Variants in MEI4 observed in about 807,000 individuals in gnomAD.
MEI4 encodes the protein meiosis-specific protein MEI4.
MEI4 carries 27 observed loss-of-function variants against 31.4 expected under a neutral mutation model. The ratio of observed to expected loss-of-function variants is 0.86; its 90% CI spans 0.63 to 1.19. The LOEUF (loss-of-function observed/expected upper bound fraction) is 1.19, where lower values mean the gene tolerates loss of function less well. Ranked by LOEUF, MEI4 falls within the 50% of genes most tolerant of loss-of-function variation. MEI4 has a pLI of 0.00. For synonymous variants in MEI4, 122 were observed against 145.4 expected, an observed-to-expected ratio of 0.84 and a Z score of 1.16; for missense variants, 329 against 398.9, an observed-to-expected ratio of 0.82 and a Z score of 1.49.
chr6:77,796,521 C>T (rs534875269), intron 3 of MEI4, among the ~76,000 whole-genome samples: 3 of 152,210 alleles, frequency 2.0e-5, no homozygotes, highest in African/African-American at 7.2e-5. Flanking sequence ...AAGTTGCAGA[C>T]TGCAAAATAA....
intron 3 of MEI4, among the ~76,000 whole-genome samples, chr6:77,765,348 GAAGT>G (rs1323154763): frequency 6.6e-6 from 1 of 151,826 alleles, no homozygotes; most frequent in Non-Finnish European, 1.5e-5. Flanking sequence ...ATAATGAGAA[GAAGT>G]GACAACTTAT....
At chr6:77,734,517 G>A (rs1767120486) in intron 2 of MEI4, among the ~76,000 whole-genome samples, 1 of 151,460 alleles carries the variant, frequency 6.6e-6, no homozygotes, top group Non-Finnish European at 1.5e-5. Flanking sequence ...CTTTTATTTT[G>A]AGCCTATTTG....
At chr6:77,750,602 G>T (rs4312947) in intron 2 of MEI4, among the ~76,000 whole-genome samples, 20,907 of 152,054 alleles carry the variant, frequency 0.14, 1,505 homozygotes, top group Middle Eastern at 0.21. Context: ...CAGTACAGGA[G>T]CACCCAGAGT....
intron 1 of MEI4, among the ~76,000 whole-genome samples, chr6:77,674,248 A>T (rs1332203364): frequency 6.6e-6 from 1 of 152,178 alleles, no homozygotes; most frequent in Non-Finnish European, 1.5e-5. Flanking sequence ...ATCTAAGATT[A>T]TTCAATTATT....
intron 4 of MEI4, among the ~76,000 whole-genome samples, chr6:77,851,220 A>G (rs1178705887): frequency 2.6e-5 from 4 of 152,078 alleles, no homozygotes; most frequent in Non-Finnish European, 5.9e-5. Flanking sequence ...ATTGTGGAAG[A>G]CTGTGGTGAT....
At chr6:77,904,168 T>G (rs1766243617) in intron 4 of MEI4, among the ~76,000 whole-genome samples, 1 of 152,198 alleles carries the variant, frequency 6.6e-6, no homozygotes, top group South Asian at 2.1e-4. Flanking sequence ...TCCCTAGTGT[T>G]ATGCTTTGAA....
chr6:77,858,117 A>C (rs1022347934), intron 4 of MEI4, among the ~76,000 whole-genome samples: 3 of 152,214 alleles, frequency 2.0e-5, no homozygotes, highest in Admixed American at 6.5e-5. Flanking sequence ...ATTACACAAT[A>C]GTTTCAGTTA....
At chr6:77,741,918 T>C (rs1481414454) in intron 2 of MEI4, among the ~76,000 whole-genome samples, 1 of 151,898 alleles carries the variant, frequency 6.6e-6, no homozygotes, top group Non-Finnish European at 1.5e-5. Flanking sequence ...TGATCTCCAG[T>C]TTCATCCATG....
intron 3 of MEI4, among the ~76,000 whole-genome samples, chr6:77,768,452 C>A (rs1421078704): frequency 6.6e-6 from 1 of 152,134 alleles, no homozygotes; most frequent in Non-Finnish European, 1.5e-5. Context: ...GTAACCCCAG[C>A]ACTTTGGGAG....
At chr6:77,910,158 T>C (rs1278171607) in intron 4 of MEI4, among the ~76,000 whole-genome samples, 1 of 152,172 alleles carries the variant, frequency 6.6e-6, no homozygotes, top group Non-Finnish European at 1.5e-5. Context: ...AAGACAGGGA[T>C]GCCCTCTCTC....
intron 1 of MEI4, among the ~76,000 whole-genome samples, chr6:77,675,076 G>A (rs536566390): frequency 7.2e-5 from 8 of 111,110 alleles, no homozygotes; most frequent in East Asian, 5.0e-4. Context: ...CAACAGTTAC[G>A]TAATTTATCA....
chr6:77,806,772 A>G (rs190280205), intron 3 of MEI4, among the ~76,000 whole-genome samples: 2 of 152,116 alleles, frequency 1.3e-5, no homozygotes, highest in Admixed American at 6.5e-5. Flanking sequence ...GAATTTGTTT[A>G]TTAAGAGATC....
upstream of MEI4, among the ~76,000 whole-genome samples, chr6:77,651,883 T>G (rs535579999): frequency 6.6e-6 from 1 of 152,218 alleles, no homozygotes; most frequent in African/African-American, 2.4e-5. Context: ...GTATTTGGAA[T>G]CAGCTTTGCA....
Position 77,820,905 on chromosome 6 carries a change from A to C in MEI4, c.769-8026A>C, listed in dbSNP as rs567124422. 6.6e-6 allele frequency among the ~76,000 whole-genome samples: 1 copy of C among 151,612 alleles called. No individual in the cohort carries two copies. The highest frequency in any genetic ancestry group is 2.4e-5 in the African/African-American group (1 of 41,330). On this transcript the variant is annotated intron_variant, in intron 3 of 4. Transcript: ENST00000684080. The surrounding 1 kb of genome is among the most constrained non-coding windows in gnomAD (Gnocchi z 4.5). ...CGTTTCTTCTCCAGTAGTCTCTCTT[A>C]GTTTTTTTCTTTTTCTTTTTTTGAA...
rs977555715 is a variant in MEI4 at position 77,847,768 on chromosome 6, C to A, written c.900+18706C>A. Among the ~76,000 whole-genome samples, 2 of 151,874 alleles carry A rather than the reference C, an allele frequency of 1.3e-5. No individual in the cohort carries two copies. Among genetic ancestry groups the A allele is most frequent in the African/African-American group, 4.8e-5 (2 of 41,306 alleles). On this transcript the variant is annotated intron_variant, in intron 4 of 4. Coordinates refer to ENST00000684080, the MANE Select transcript of MEI4 (RefSeq NM_001322247.2). This position sits in a 1 kb window ranked among gnomAD's most constrained non-coding sequence, Gnocchi z 4.6. ...TATGTACTGAGGTTAGTGAAAATTT[C>A]TTATTTATTTTTCTATTTATATTAC...
intron 4 of MEI4, among the ~76,000 whole-genome samples, chr6:77,876,945 A>G (rs777568687): frequency 5.9e-5 from 9 of 152,164 alleles, no homozygotes; most frequent in Non-Finnish European, 1.2e-4. Flanking sequence ...AGAAAAATGC[A>G]GAGTGAAATT....
At chr6:77,815,438 G>C (rs757111824) in intron 3 of MEI4, among the ~76,000 whole-genome samples, 10 of 152,042 alleles carry the variant, frequency 6.6e-5, no homozygotes, top group Non-Finnish European at 1.5e-4. Context: ...ATTTCTGAAG[G>C]CAAACTGGCC....
intron 1 of MEI4, among the ~76,000 whole-genome samples, chr6:77,663,565 A>T (rs577255546): frequency 3.9e-5 from 6 of 152,136 alleles, no homozygotes; most frequent in African/African-American, 1.4e-4. Context: ...ATTAAAAAGG[A>T]GTGCTTAAAA....
intron 3 of MEI4, among the ~76,000 whole-genome samples, chr6:77,809,537 A>G (rs374899000): frequency 6.6e-6 from 1 of 152,322 alleles, no homozygotes; most frequent in African/African-American, 2.4e-5. Context: ...ACTTCTGTTC[A>G]CTTAGTTGAT....
Sources: allele counts gnomAD v4.1 joint callset (sites outside exome capture counted in the v4.1 genomes callset), GRCh38; gene constraint gnomAD v4.1.1; non-coding constraint Gnocchi (gnomAD v3.1); transcripts MANE v1.5; gene names NCBI Gene and HGNC (gene_info 2026-07-23, HGNC 2026-07-21).